ABCA1: variants seen among roughly 807,000 people sequenced by gnomAD.
ABCA1 encodes the protein ATP binding cassette subfamily A member 1, also known as phospholipid-transporting ATPase ABCA1.
Under a neutral mutation model 262.5 loss-of-function variants are expected in ABCA1, and 133 were observed. That is an observed-to-expected ratio of 0.51 (90% CI 0.44 to 0.59). The LOEUF (loss-of-function observed/expected upper bound fraction) is 0.59, where lower values mean the gene tolerates loss of function less well. Among genes scored for constraint, ABCA1 ranks in the 20% least tolerant of loss-of-function variants. The probability of loss-of-function intolerance (pLI) is 0.00; values close to 1 mark genes in which losing one functional copy is unlikely to be tolerated. For synonymous variants in ABCA1, 1,022 were observed against 1,043.5 expected, an observed-to-expected ratio of 0.98 and a Z score of 0.40; for missense variants, 2,452 against 2,777.5, an observed-to-expected ratio of 0.88 and a Z score of 2.63.
intron 1 of ABCA1, among the ~76,000 whole-genome samples, chr9:104,923,460 A>T (rs1267180917): frequency 1.3e-5 from 2 of 152,252 alleles, no homozygotes; most frequent in Non-Finnish European, 2.9e-5. Context: ...CAAGGTTTCA[A>T]GTTAAAGAGA....
At chr9:104,844,045 G>A (rs926925448) in intron 8 of ABCA1, among the ~76,000 whole-genome samples, 1 of 150,096 alleles carries the variant, frequency 6.7e-6, no homozygotes, top group African/African-American at 2.4e-5. Context: ...AAAAAAACCA[G>A]GGCCAGTGAT....
Position 104,856,199 on chromosome 9 carries a change from A to T in ABCA1, c.720+2323T>A, listed in dbSNP as rs529579231. ...AATTAAGGCCCTGCTTAATTCAATA[A>T]GTAAGAGTCACATTTCAAAATGTTT... On this transcript the variant is annotated intron_variant, in intron 7 of 49. Coordinates refer to ENST00000374736, the MANE Select transcript of ABCA1 (RefSeq NM_005502.4). 2.9e-5 allele frequency: 41 copies of T among 1,418,650 alleles called. No individual in the cohort carries two copies. In the East Asian group the frequency reaches 9.5e-4, roughly 33 times the overall value. The allele number at this position is 1,418,650 out of a possible 1,614,324, so 87.9% of individuals were successfully genotyped here. A position where few individuals can be genotyped will look rare whatever the true frequency, so the allele number is the denominator to read the frequency against.
At chr9:104,848,808 G>A (rs145446017) in intron 7 of ABCA1, among the ~76,000 whole-genome samples, 6 of 152,052 alleles carry the variant, frequency 3.9e-5, no homozygotes, top group Non-Finnish European at 7.4e-5. Context: ...TGTCTGGTCC[G>A]CATACTACAA....
intron 2 of ABCA1, among the ~76,000 whole-genome samples, chr9:104,896,184 T>C (rs1312436008): frequency 1.3e-5 from 2 of 152,172 alleles, no homozygotes; most frequent in East Asian, 3.9e-4. Context: ...AGAACCAAGG[T>C]AAATTCTCCT....
chr9:104,922,906 G>C (rs989914560), intron 1 of ABCA1, among the ~76,000 whole-genome samples: 3 of 151,952 alleles, frequency 2.0e-5, no homozygotes, highest in Non-Finnish European at 2.9e-5. Context: ...TAGTAGAGAC[G>C]GGGTTTCACC....
At chr9:104,800,414 A>G (rs1320319077) in intron 35 of ABCA1, 96 bp downstream of exon 35, 2 of 1,162,192 alleles carry the variant, frequency 1.7e-6, no homozygotes, top group Admixed American at 3.4e-5. Context: ...TCTGTTGTGA[A>G]TGCCCCTGCC....
chr9:104,903,378 C>G (rs1840825998), intron 2 of ABCA1, among the ~76,000 whole-genome samples: 1 of 152,124 alleles, frequency 6.6e-6, no homozygotes, highest in African/African-American at 2.4e-5. Flanking sequence ...GAACTCATGC[C>G]TGGGCAGTAG....
chr9:104,868,043 T>G (rs1490991536), intron 5 of ABCA1, among the ~76,000 whole-genome samples: 1 of 152,190 alleles, frequency 6.6e-6, no homozygotes. Context: ...ATCATGAAGC[T>G]ATACTTTCCC....
At chr9:104,919,021 C>A (rs750225471) in intron 1 of ABCA1, among the ~76,000 whole-genome samples, 3 of 152,180 alleles carry the variant, frequency 2.0e-5, no homozygotes, top group African/African-American at 7.2e-5. Context: ...GCTCCTTCCC[C>A]CTCCCTGCTC....
chr9:104,857,465 C>A (rs57450049), intron 7 of ABCA1, among the ~76,000 whole-genome samples: 1 of 152,082 alleles, frequency 6.6e-6, no homozygotes, highest in African/African-American at 2.4e-5. Flanking sequence ...CTGCTGACCT[C>A]ACGTGATCTG....
At chr9:104,807,212 G>A (rs976657828) in intron 30 of ABCA1, among the ~76,000 whole-genome samples, 3 of 152,112 alleles carry the variant, frequency 2.0e-5, no homozygotes, top group Admixed American at 2.0e-4. Context: ...AGACTGGCAA[G>A]ATCCAATTTA....
intron 31 of ABCA1, among the ~76,000 whole-genome samples, chr9:104,805,804 G>A (rs1310630733): frequency 1.3e-5 from 2 of 152,286 alleles, no homozygotes; most frequent in South Asian, 2.1e-4. Flanking sequence ...GACAAGAAGC[G>A]AGTTAAAGAC....
rs766712712 is a variant in ABCA1, at chr9:104,793,244, C to A, written c.5563G>T (p.Ala1855Ser). Residue 1855 changes from alanine to serine, a missense_variant, in exon 41 of 50, where the codon GCC (alanine) becomes TCC (serine). Around this residue, in one of 4 missense-constraint regions of ABCA1, gnomAD observed 752 missense variants for 944.5 expected, o/e 0.80. Transcript: ENST00000374736. ...AACACCACCCCTTCCACGGCCATGG[C>A]GAAGAGGTTTCGTCCCACCAAGTCC... ...SWDLVGRNLF[A>S]MAVEGVVFFL... 4 of 1,614,018 alleles carry A rather than the reference C, an allele frequency of 2.5e-6. No homozygotes were observed. Among genetic ancestry groups the A allele is most frequent in the Non-Finnish European group, 3.4e-6 (4 of 1,179,990 alleles).
Position 104,845,497 on chromosome 9 carries a change from G to A in ABCA1, c.793C>T (p.Leu265Phe), listed in dbSNP as rs759851687. ...AEATKTLLHS[L>F]GTLAQELFSM... ...CTTACCTCCTGGGCCAGAGTCCCAA[G>A]ACTATGCAGCAATGTTTTTGTGGCT... Residue 265 changes from leucine to phenylalanine, a missense_variant, in exon 8 of 50, where the codon CTT (leucine) becomes TTT (phenylalanine). Transcript: ENST00000374736. 18 of 1,613,918 alleles carry A rather than the reference G, an allele frequency of 1.1e-5. No homozygotes were observed. The highest frequency in any genetic ancestry group is 1.5e-5 in the Non-Finnish European group (18 of 1,179,808).
chr9:104,801,950 C>T, intron 34 of ABCA1, 104 bp downstream of exon 34: 1 of 1,062,552 alleles, frequency 9.4e-7, no homozygotes, highest in Non-Finnish European at 1.5e-6. Context: ...CCAACATATT[C>T]AGAACAATGA....
At chr9:104,903,387 A>G (rs1336344512) in intron 2 of ABCA1, among the ~76,000 whole-genome samples, 2 of 152,166 alleles carry the variant, frequency 1.3e-5, no homozygotes, top group Admixed American at 6.5e-5. Context: ...CCTGGGCAGT[A>G]GCACAAACCA....
Position 104,816,340 on chromosome 9 carries a change from A to G in ABCA1, c.3541T>C (p.Ser1181Pro). 6.2e-7 allele frequency: 1 copy of G among 1,613,560 alleles called. No homozygotes were observed. Among genetic ancestry groups the G allele is most frequent in the South Asian group, 1.1e-5 (1 of 91,052 alleles). The change falls in exon 25 of 50, where the codon TCT becomes CCT. Residue 1181 changes from serine to proline, a missense_variant. Ser to Pro is a moderately conservative substitution (Grantham distance 74). This residue lies in a region of ABCA1 where 665 missense variants were observed against 727.3 expected (regional missense o/e 0.91). Transcript: ENST00000374736. Reference protein sequence around the residue: ...HESDTLTIDVSAISNLIRKHV... With the variant: ...HESDTLTIDVPAISNLIRKHV... Reference sequence around the variant, plus strand: ...TTCCTGATGAGGTTGGAGATAGCAGAGACATCTGCAGGGACCAGAATGCAA... The same window carrying G: ...TTCCTGATGAGGTTGGAGATAGCAGGGACATCTGCAGGGACCAGAATGCAA...
chr9:104,803,439 G>T, intron 32 of ABCA1, 123 bp from the exon 33 acceptor site: 1 of 1,023,410 alleles, frequency 9.8e-7, no homozygotes, highest in Non-Finnish European at 1.5e-6. Flanking sequence ...CCTAGAATCA[G>T]CTGGCCTTGT....
intron 2 of ABCA1, among the ~76,000 whole-genome samples, chr9:104,897,308 T>C (rs938894241): frequency 6.6e-6 from 1 of 152,180 alleles, no homozygotes; most frequent in African/African-American, 2.4e-5. Flanking sequence ...TTTAAATTGG[T>C]TGGATCCTCT....
Sources: allele counts gnomAD v4.1 joint callset (sites outside exome capture counted in the v4.1 genomes callset), GRCh38; gene constraint gnomAD v4.1.1; regional missense constraint gnomAD v4.1.1; transcripts MANE v1.5; gene names NCBI Gene and HGNC (gene_info 2026-07-23, HGNC 2026-07-21).